RPS6KC1: variants seen among roughly 807,000 people sequenced by gnomAD.
The protein encoded by RPS6KC1 is inactive ribosomal protein S6 kinase delta-1.
A neutral mutation model predicts 103.8 loss-of-function variants in RPS6KC1; 54 were observed. The ratio of observed to expected loss-of-function variants is 0.52; its 90% CI spans 0.42 to 0.65. The LOEUF is 0.65. RPS6KC1 is among the 30% of genes least tolerant of loss of function. The pLI, the probability that RPS6KC1 is intolerant of heterozygous loss-of-function variation, is 0.00. For missense variants in RPS6KC1, 1,151 were observed against 1,253.8 expected (o/e 0.92, Z 1.24); for synonymous variants, 439 against 438.7 (o/e 1.00, Z -0.01).
the RPS6KC1 span, among the ~76,000 whole-genome samples, chr1:213,648,877 C>T: frequency 1.3e-5 from 2 of 152,172 alleles, no homozygotes; most frequent in Non-Finnish European, 2.9e-5. Context: ...CCACTTGTCT[C>T]ATGCCAACAT....
rs145713437 is a variant in RPS6KC1 at position 213,237,334 on chromosome 1, G to A, written c.1226-3368G>A. Among the ~76,000 whole-genome samples the A allele has an allele frequency of 3.5e-3, 539 of 152,156 alleles. 6 individuals carry two copies. Among genetic ancestry groups the A allele is most frequent in the African/African-American group, 0.012 (517 of 41,534 alleles). On this transcript the variant is annotated intron_variant, in intron 10 of 14. Coordinates refer to ENST00000366960, the MANE Select transcript of RPS6KC1 (RefSeq NM_012424.6). The stretch of plus-strand genomic sequence containing the variant: ...TCTCAATTTCCTCATCTGTAAAATA[G>A]AGATAATATTAATTACCTACCTTAT...
At chr1:213,132,373 A>G (rs1318296293) in intron 6 of RPS6KC1, among the ~76,000 whole-genome samples, 1 of 152,202 alleles carries the variant, frequency 6.6e-6, no homozygotes, top group Non-Finnish European at 1.5e-5. Context: ...TTATTCAGAC[A>G]AACTATGGGA....
the RPS6KC1 span, among the ~76,000 whole-genome samples, chr1:213,709,683 A>G: frequency 6.6e-6 from 1 of 152,118 alleles, no homozygotes; most frequent in Non-Finnish European, 1.5e-5. Context: ...TGTAAACACC[A>G]CTTTAGCTGT....
the RPS6KC1 span, among the ~76,000 whole-genome samples, chr1:213,668,551 C>T: frequency 1.3e-5 from 2 of 151,904 alleles, no homozygotes; most frequent in African/African-American, 4.8e-5. Context: ...TTCTCAAGGG[C>T]CCTAGGATTT....
chr1:213,769,583 G>A, the RPS6KC1 span, among the ~76,000 whole-genome samples: 1 of 152,224 alleles, frequency 6.6e-6, no homozygotes, highest in African/African-American at 2.4e-5. Flanking sequence ...TAATGGTCCT[G>A]CCTGTCCTCA....
At chr1:213,091,486 T>G (rs978557414) in intron 3 of RPS6KC1, among the ~76,000 whole-genome samples, 14 of 152,246 alleles carry the variant, frequency 9.2e-5, no homozygotes, top group Non-Finnish European at 2.1e-4. Flanking sequence ...AATGAACCTT[T>G]TGTACTTTGT....
At chr1:213,157,572 T>G (rs2090039586) in intron 6 of RPS6KC1, among the ~76,000 whole-genome samples, 1 of 152,224 alleles carries the variant, frequency 6.6e-6, no homozygotes, top group African/African-American at 2.4e-5. Flanking sequence ...TTAAATTATT[T>G]TACATTTATT....
chr1:213,061,487 A>C (rs978531163), intron 1 of RPS6KC1, among the ~76,000 whole-genome samples: 2 of 152,008 alleles, frequency 1.3e-5, no homozygotes, highest in African/African-American at 4.8e-5. Flanking sequence ...GCGGGAGAGA[A>C]GAACTCAGGT....
intron 8 of RPS6KC1, among the ~76,000 whole-genome samples, chr1:213,213,248 G>A (rs1023017989): frequency 1.3e-5 from 2 of 152,140 alleles, no homozygotes; most frequent in Non-Finnish European, 2.9e-5. Flanking sequence ...TTTTTGTTAA[G>A]GGTGTAAGGT....
At chr1:213,626,388 T>C in the RPS6KC1 span, among the ~76,000 whole-genome samples, 5 of 152,152 alleles carry the variant, frequency 3.3e-5, no homozygotes, top group African/African-American at 1.2e-4. Flanking sequence ...CCTGTTCACT[T>C]TGATGGTAGT....
chr1:213,274,789 A>C (rs2095107320), downstream of RPS6KC1: 1 of 151,858 alleles, frequency 6.6e-6, no homozygotes, highest in Non-Finnish European at 1.5e-5. Flanking sequence ...TTCTCATTTG[A>C]TTTTTTTATC....
At chr1:213,573,957 A>G in the RPS6KC1 span, among the ~76,000 whole-genome samples, 1 of 152,318 alleles carries the variant, frequency 6.6e-6, no homozygotes, top group Middle Eastern at 3.4e-3. Context: ...AGGCAGATAG[A>G]CAGCAGACCA....
chr1:213,365,052 C>A, the RPS6KC1 span, among the ~76,000 whole-genome samples: 1 of 152,160 alleles, frequency 6.6e-6, no homozygotes, highest in African/African-American at 2.4e-5. Context: ...TTCTTGAGCT[C>A]TTTGGTACCC....
intron 6 of RPS6KC1, among the ~76,000 whole-genome samples, chr1:213,137,777 C>CTCTCTATATATATA (rs1387641875): frequency 6.3e-5 from 4 of 63,594 alleles, no homozygotes; most frequent in African/African-American, 3.2e-4. Context: ...CTCTCTCTCT[C>CTCTCTATATATATA]TATATATATA....
intron 5 of RPS6KC1, among the ~76,000 whole-genome samples, chr1:213,125,135 T>C (rs1197014064): frequency 1.3e-5 from 2 of 152,150 alleles, no homozygotes; most frequent in African/African-American, 2.4e-5. Context: ...ACAAAGTATA[T>C]TATTAAATTC....
chr1:213,706,779 A>G, the RPS6KC1 span, among the ~76,000 whole-genome samples: 1 of 151,686 alleles, frequency 6.6e-6, no homozygotes, highest in African/African-American at 2.4e-5. Context: ...ATTCTCACTT[A>G]TGAGTGAGAA....
intron 6 of RPS6KC1, among the ~76,000 whole-genome samples, chr1:213,135,445 T>C (rs1000798458): frequency 1.3e-5 from 2 of 152,182 alleles, no homozygotes; most frequent in Non-Finnish European, 2.9e-5. Context: ...GGGAGGAGTA[T>C]TAAACAAATA....
At chr1:213,218,680 C>T (rs1240838666) in intron 8 of RPS6KC1, among the ~76,000 whole-genome samples, 5 of 152,004 alleles carry the variant, frequency 3.3e-5, no homozygotes, top group South Asian at 4.2e-4. Context: ...GAGATATAGA[C>T]CAATGGAACA....
chr1:213,569,573 AT>A, the RPS6KC1 span, among the ~76,000 whole-genome samples: 1,054 of 149,144 alleles, frequency 7.1e-3, 9 homozygotes, highest in African/African-American at 0.02. Flanking sequence ...GCAGCAAGCT[AT>A]TTTTTTTTTC....
Sources: gnomAD v4.1 joint callset for allele counts (sites outside exome capture counted in the v4.1 genomes callset) on GRCh38, gnomAD v4.1.1 for gene constraint, MANE v1.5 for transcripts, NCBI Gene and HGNC (gene_info 2026-07-23, HGNC 2026-07-21) for gene names.